CCDC88C: variants seen among roughly 807,000 people sequenced by gnomAD.
CCDC88C encodes the protein protein Daple.
A neutral mutation model predicts 198.8 loss-of-function variants in CCDC88C; 131 were observed. The ratio of observed to expected loss-of-function variants is 0.66; its 90% CI spans 0.57 to 0.76. CCDC88C has a LOEUF of 0.76. Ranked by LOEUF, CCDC88C falls within the 30% of genes least tolerant of loss-of-function variation. CCDC88C has a pLI of 0.00. For synonymous variants in CCDC88C, 1,166 were observed against 1,114.7 expected, an observed-to-expected ratio of 1.05 and a Z score of -0.92; for missense variants, 2,553 against 2,631.6, an observed-to-expected ratio of 0.97 and a Z score of 0.65.
At chr14:91,292,636 C>T (rs938342942) in intron 23 of CCDC88C, among the ~76,000 whole-genome samples, 7 of 152,130 alleles carry the variant, frequency 4.6e-5, no homozygotes, top group East Asian at 3.9e-4. Context: ...ACAGTGACCA[C>T]GTCCCACCAC....
chr14:91,296,836 G>T (rs1265264713), intron 22 of CCDC88C, among the ~76,000 whole-genome samples: 1 of 152,152 alleles, frequency 6.6e-6, no homozygotes, highest in South Asian at 2.1e-4. Context: ...TCTGGAGAGG[G>T]TCTTGCTGCG....
At chr14:91,299,181 T>C (rs1891163914) in intron 21 of CCDC88C, among the ~76,000 whole-genome samples, 1 of 152,226 alleles carries the variant, frequency 6.6e-6, no homozygotes, top group South Asian at 2.1e-4. Context: ...GAAGATACCT[T>C]ATGCAGCAAT....
intron 3 of CCDC88C, among the ~76,000 whole-genome samples, chr14:91,407,633 G>C (rs887118052): frequency 2.6e-5 from 4 of 152,120 alleles, no homozygotes; most frequent in Non-Finnish European, 4.4e-5. Flanking sequence ...AAATCATATG[G>C]GGGGAACGTT....
chr14:91,337,266 C>CT (rs1294797089), intron 10 of CCDC88C, among the ~76,000 whole-genome samples: 1 of 152,226 alleles, frequency 6.6e-6, no homozygotes, highest in East Asian at 1.9e-4. Flanking sequence ...GTAGCCTCCA[C>CT]TAGCTGATGG....
intron 2 of CCDC88C, among the ~76,000 whole-genome samples, chr14:91,413,065 G>A (rs150675299): frequency 2.4e-4 from 36 of 152,196 alleles, no homozygotes; most frequent in African/African-American, 7.5e-4. Flanking sequence ...CTAGCACCAG[G>A]GGTCACAAGC....
intron 24 of CCDC88C, 57 bp from the exon 25 acceptor site, chr14:91,289,400 T>A: frequency 1.7e-5 from 24 of 1,426,068 alleles, no homozygotes; most frequent in Non-Finnish European, 2.1e-5. Context: ...CCCCAGTGGG[T>A]CCCTGGTTCC....
At chr14:91,408,135 A>C (rs1182816416) in intron 3 of CCDC88C, 1 of 155,298 alleles carries the variant, frequency 6.4e-6, no homozygotes, top group Non-Finnish European at 1.4e-5. Flanking sequence ...TTGACCACAC[A>C]GATCAGATGC....
At chr14:91,309,425 G>A (rs1314496246) in intron 16 of CCDC88C, among the ~76,000 whole-genome samples, 1 of 151,970 alleles carries the variant, frequency 6.6e-6, no homozygotes, top group Non-Finnish European at 1.5e-5. Flanking sequence ...CTAATATGGC[G>A]AAACCCCCTC....
intron 25 of CCDC88C, among the ~76,000 whole-genome samples, chr14:91,283,784 G>C (rs996923959): frequency 6.6e-6 from 1 of 152,212 alleles, no homozygotes; most frequent in Middle Eastern, 3.2e-3. Flanking sequence ...GAGAGGCTGG[G>C]AGGAGACAAA....
chr14:91,399,843 A>AC (rs1886065752), intron 3 of CCDC88C, among the ~76,000 whole-genome samples: 1 of 147,088 alleles, frequency 6.8e-6, no homozygotes, highest in African/African-American at 2.5e-5. Flanking sequence ...CCTCTCAAAA[A>AC]AAAAAAAAAA....
intron 3 of CCDC88C, among the ~76,000 whole-genome samples, chr14:91,384,706 G>A (rs888600748): frequency 6.6e-6 from 1 of 152,162 alleles, no homozygotes; most frequent in Non-Finnish European, 1.5e-5. Context: ...AACACGTGCG[G>A]CTGCTCTATG....
chr14:91,360,857 A>G (rs1567098219), intron 3 of CCDC88C, among the ~76,000 whole-genome samples: 2 of 152,122 alleles, frequency 1.3e-5, no homozygotes, highest in Non-Finnish European at 2.9e-5. Context: ...GGAGATTTTA[A>G]AATTCCAGTT....
At chr14:91,408,957 T>C (rs371303604) in intron 2 of CCDC88C, among the ~76,000 whole-genome samples, 190 bp from the exon 3 acceptor site, 2 of 152,254 alleles carry the variant, frequency 1.3e-5, no homozygotes, top group South Asian at 4.1e-4. Context: ...CCACATCGCC[T>C]TTCTGCTCCC....
chr14:91,397,228 T>C (rs926364280), intron 3 of CCDC88C, among the ~76,000 whole-genome samples: 21 of 152,044 alleles, frequency 1.4e-4, no homozygotes, highest in South Asian at 4.2e-4. Flanking sequence ...GGCTCGGTGC[T>C]GTGCCCAACA....
chr14:91,404,858 G>A (rs563165282), intron 3 of CCDC88C, among the ~76,000 whole-genome samples: 55 of 151,966 alleles, frequency 3.6e-4, no homozygotes, highest in African/African-American at 1.2e-3. Flanking sequence ...CCAGCTACTC[G>A]GGAGGCTGAG....
rs368499388 is a variant in CCDC88C, at chr14:91,362,798, G to A, written c.271-3087C>T. On this transcript the variant is annotated intron_variant, in intron 3 of 29. Transcript: ENST00000389857. ...CAAAAAATAAGCTGGGCGTGGTGGCGGGTGCCTGTAGTCCCAGCTACTCAG... is the reference window on the plus strand; with the variant it reads ...CAAAAAATAAGCTGGGCGTGGTGGCAGGTGCCTGTAGTCCCAGCTACTCAG... 3.5e-3 allele frequency among the ~76,000 whole-genome samples: 527 copies of A among 152,134 alleles called. 4 individuals are homozygous for A. The highest frequency in any genetic ancestry group is 0.012 in the African/African-American group (502 of 41,484).
At chr14:91,354,400 C>A (rs1268958446) in intron 4 of CCDC88C, among the ~76,000 whole-genome samples, 1 of 152,234 alleles carries the variant, frequency 6.6e-6, no homozygotes, top group Non-Finnish European at 1.5e-5. Flanking sequence ...ATCCAGCATC[C>A]TCCCTCACAG....
At position 91,284,592 on chromosome 14, in the gene CCDC88C, G is replaced by A. The variant is rs1314878598; in HGVS notation, c.4442-1075C>T. 6.6e-6 allele frequency among the ~76,000 whole-genome samples: 1 copy of A among 152,228 alleles called. No individual in the cohort carries two copies. Among genetic ancestry groups the A allele is most frequent in the Non-Finnish European group, 1.5e-5 (1 of 68,042 alleles). On this transcript the variant is annotated intron_variant, in intron 25 of 29. Coordinates refer to ENST00000389857, the MANE Select transcript of CCDC88C (RefSeq NM_001080414.4). This position sits in a 1 kb window ranked among gnomAD's most constrained non-coding sequence, Gnocchi z 4.1. ...AGAGAAAGCACAATTCCAACAGCAT[G>A]CGCGGAAGGCAGGTCTGGAGGACCC...
At chr14:91,351,891 C>G (rs1893819203) in intron 4 of CCDC88C, among the ~76,000 whole-genome samples, 1 of 152,112 alleles carries the variant, frequency 6.6e-6, no homozygotes, top group South Asian at 2.1e-4. Flanking sequence ...CTCGGAGCAC[C>G]CTCACCCCAA....
Sources: allele counts gnomAD v4.1 joint callset (sites outside exome capture counted in the v4.1 genomes callset), GRCh38; gene constraint gnomAD v4.1.1; non-coding constraint Gnocchi (gnomAD v3.1); transcripts MANE v1.5; gene names NCBI Gene and HGNC (gene_info 2026-07-23, HGNC 2026-07-21).